The following BCORL1 variants were observed in gnomAD, a reference collection of about 807,000 sequenced individuals.
BCORL1 encodes BCL6 corepressor like 1, also known as BCL-6 corepressor-like protein 1.
Under a neutral mutation model 87.6 loss-of-function variants are expected in BCORL1, and 7 were observed. The observed-to-expected ratio is 0.08, with a 90% CI of 0.05 to 0.15. The LOEUF (loss-of-function observed/expected upper bound fraction) is 0.15, where lower values mean the gene tolerates loss of function less well. Ranked by LOEUF, BCORL1 falls within the 10% of genes least tolerant of loss-of-function variation. BCORL1 has a pLI of 1.00. For missense variants in BCORL1, 1,215 were observed against 1,499.7 expected, an observed-to-expected ratio of 0.81 and a Z score of 3.13; for synonymous variants, 591 against 634.4, an observed-to-expected ratio of 0.93 and a Z score of 1.03.
chrX:130,043,405 C>A (rs1282774554), intron 11 of BCORL1, among the ~76,000 whole-genome samples: 1 of 110,123 alleles, frequency 9.1e-6, no homozygotes, highest in East Asian at 2.9e-4. Context: ...GTTTGGCTCT[C>A]ATTTTTCATG....
At chrX:130,038,574 C>T (rs1359919354) in intron 10 of BCORL1, among the ~76,000 whole-genome samples, 3 of 109,884 alleles carry the variant, frequency 2.7e-5, no homozygotes, top group East Asian at 2.8e-4. Context: ...CTCTGCCTCC[C>T]GGTTTCAAGC....
At position 130,014,301 on chromosome X, in the gene BCORL1, G is replaced by A. The variant is rs1390624514; in HGVS notation, c.1529G>A (p.Arg510Gln). Residue 510 changes from arginine to glutamine, a missense_variant, in exon 4 of 14, where the codon CGG becomes CAG. Coordinates refer to ENST00000540052, the MANE Select transcript of BCORL1 (RefSeq NM_001379451.1). ...RSYPYAFSVARPLTSDSKLVS... is the reference protein window; with the variant it reads ...RSYPYAFSVAQPLTSDSKLVS... The stretch of plus-strand genomic sequence containing the variant: ...TACCCGTATGCATTTTCTGTGGCCC[G>A]GCCTCTGACTTCGGATTCCAAGCTG... 7 of 1,211,353 alleles carry A rather than the reference G, an allele frequency of 5.8e-6. No homozygotes were observed. Among genetic ancestry groups the A allele is most frequent in the African/African-American group, 1.7e-5 (1 of 57,637 alleles).
intron 6 of BCORL1, 56 bp from the exon 7 acceptor site, chrX:130,024,934 C>T (rs1930141658): frequency 1.7e-6 from 2 of 1,174,172 alleles, no homozygotes; most frequent in East Asian, 3.0e-5. Flanking sequence ...CACTTCGACA[C>T]CATGCTTTGT....
intron 1 of BCORL1, among the ~76,000 whole-genome samples, chrX:130,003,783 C>T (rs1569361445): frequency 8.9e-6 from 1 of 111,944 alleles, no homozygotes; most frequent in African/African-American, 3.2e-5. Context: ...AAGCTCCACA[C>T]GGGCAGGCAT....
At chrX:130,020,475 T>G (rs1418925685) in intron 4 of BCORL1, among the ~76,000 whole-genome samples, 1 of 112,166 alleles carries the variant, frequency 8.9e-6, no homozygotes, top group Non-Finnish European at 1.9e-5. Context: ...TCTTCTTGCC[T>G]TAGTTGAATC....
chrX:130,027,899 T>C (rs2124499416), intron 7 of BCORL1, among the ~76,000 whole-genome samples: 1 of 112,119 alleles, frequency 8.9e-6, no homozygotes, highest in South Asian at 3.7e-4. Flanking sequence ...GGACAGACCC[T>C]GTGGGATGAA....
In BCORL1 at chrX:130,015,404, A is replaced by G. The variant is rs139863820; in HGVS notation, c.2632A>G (p.Ser878Gly). Residue 878 changes from serine (S) to glycine (G), a missense_variant, in exon 4 of 14, where the codon AGC (serine) becomes GGC (glycine). Coordinates refer to ENST00000540052, the MANE Select transcript of BCORL1 (RefSeq NM_001379451.1). ...EFSGVPSLSSSEAVHGLPEGQ... is the reference protein window; with the variant it reads ...EFSGVPSLSSGEAVHGLPEGQ... ...TTCTGGTGTGCCATCTCTCAGCTCC[A>G]GCGAAGCCGTGCACGGACTTCCTGA... The G allele has an allele frequency of 1.4e-3, 1,725 of 1,211,002 alleles. 30 individuals are homozygous for G. In the East Asian group the frequency reaches 0.041, roughly 29 times the overall value.
At chrX:130,008,613 G>T (rs1469976797) in intron 2 of BCORL1, among the ~76,000 whole-genome samples, 2 of 111,665 alleles carry the variant, frequency 1.8e-5, no homozygotes, top group African/African-American at 6.5e-5. Flanking sequence ...ACCCTTTATT[G>T]TCACCTTCTT....
chrX:129,996,921 C>T (rs138495526), intron 1 of BCORL1, among the ~76,000 whole-genome samples: 11 of 111,626 alleles, frequency 9.9e-5, no homozygotes, highest in African/African-American at 3.6e-4. Context: ...CTGGCCTGGT[C>T]CTTTTTAAGG....
intron 10 of BCORL1, 42 bp from the exon 11 acceptor site, chrX:130,039,095 C>A (rs368068355): frequency 6.3e-5 from 75 of 1,197,833 alleles, no homozygotes; most frequent in Non-Finnish European, 8.0e-5. Flanking sequence ...ACCCCAGTTC[C>A]CACTTGGGCC....
At chrX:130,045,743 G>A (rs945903884) in intron 11 of BCORL1, among the ~76,000 whole-genome samples, 4 of 110,422 alleles carry the variant, frequency 3.6e-5, no homozygotes, top group South Asian at 7.7e-4. Context: ...TCAGCCTCCC[G>A]AGTAGCTGGG....
chrX:130,028,624 C>T lies in BCORL1; in HGVS notation c.4079-11C>T. 2.5e-6 allele frequency: 3 copies of T among 1,193,203 alleles called. No homozygotes were observed. Among genetic ancestry groups the T allele is most frequent in the Non-Finnish European group, 3.4e-6 (3 of 880,298 alleles). ...TCTGACATCCGTTCTTTTCCTGTTT[C>T]TTGCCTTCAGATTTAAAGGCCCGTA... On this transcript the variant is annotated splice_polypyrimidine_tract_variant and intron_variant, in intron 7 of 13. Transcript: ENST00000540052.
At chrX:129,999,297 CTTTTTTTTTTTTTTT>C (rs1213156086) in intron 1 of BCORL1, among the ~76,000 whole-genome samples, 1 of 39,091 alleles carries the variant, frequency 2.6e-5, no homozygotes, top group East Asian at 7.1e-4. Flanking sequence ...TGAAACACAT[CTTTTTTTTTTTTTTT>C]TTTTTTTTTT....
Position 130,028,643 on chromosome X carries a change from G to A in BCORL1, c.4087G>A (p.Ala1363Thr). The change falls in exon 8 of 14, where the codon GCC (alanine) becomes ACC (threonine). Residue 1363 changes from alanine to threonine, a missense_variant. Coordinates refer to ENST00000540052, the MANE Select transcript of BCORL1 (RefSeq NM_001379451.1). ...CTGTTTCTTGCCTTCAGATTTAAAG[G>A]CCCGTAAGCAGAAGACTTCCTCCTC... ...QRRKGRADLK[A>T]RKQKTSSSQS... 6.6e-6 allele frequency: 8 copies of A among 1,207,208 alleles called. No individual in the cohort carries two copies. Among genetic ancestry groups the A allele is most frequent in the Non-Finnish European group, 9.0e-6 (8 of 892,548 alleles).
In BCORL1 at chrX:130,016,195, G is replaced by A; in HGVS notation, c.3423G>A (p.Arg1141=). Reference sequence around the variant, plus strand: ...AGCCACAAGCCAAGGCCGTGGTCCGGAGTTCCCACAGACCCAAGGTGAGTG... The same window carrying A: ...AGCCACAAGCCAAGGCCGTGGTCCGAAGTTCCCACAGACCCAAGGTGAGTG... ...QLQPQAKAVV[R]SSHRPKCRKL... is the part of the protein sequence containing the mutation. The change falls in exon 4 of 14, where the codon CGG becomes CGA. Residue 1141 remains arginine, a synonymous_variant. Coordinates refer to ENST00000540052, the MANE Select transcript of BCORL1 (RefSeq NM_001379451.1). 8.3e-7 allele frequency: 1 copy of A among 1,203,556 alleles called. No individual in the cohort carries two copies. Among genetic ancestry groups the A allele is most frequent in the Non-Finnish European group, 1.1e-6 (1 of 891,200 alleles).
At position 130,015,702 on chromosome X, in the gene BCORL1, C is replaced by T. The variant is rs750408222; in HGVS notation, c.2930C>T (p.Ala977Val). ...CAGGGGGCTTGTGGCCTGAAGCTGG[C>T]AGGAGACACGAAGCCTAAGAACCAA... ...GPQGACGLKLAGDTKPKNQVL... is the reference protein window; with the variant it reads ...GPQGACGLKLVGDTKPKNQVL... The change falls in exon 4 of 14, where the codon GCA becomes GTA. Residue 977 changes from alanine (A) to valine (V), a missense_variant. Physicochemically the swap from Ala to Val is moderately conservative, Grantham distance 64 (BLOSUM62 0). Around this residue, in one of 5 missense-constraint regions of BCORL1, gnomAD observed 861 missense variants for 1,010.0 expected, o/e 0.85. Transcript: ENST00000540052. 8.3e-7 allele frequency: 1 copy of T among 1,212,005 alleles called. No individual in the cohort carries two copies. The highest frequency in any genetic ancestry group is 3.0e-5 in the East Asian group (1 of 33,847).
At chrX:129,980,420 G>T (rs960012524), upstream of BCORL1, among the ~76,000 whole-genome samples, 5 of 112,861 alleles carry the variant, frequency 4.4e-5, no homozygotes, top group East Asian at 1.4e-3. Flanking sequence ...GGGGGTGGTG[G>T]GGGAACGGTG....
chrX:130,010,480 T>TA (rs1022450095), intron 2 of BCORL1: 2 of 108,969 alleles, frequency 1.8e-5, no homozygotes, highest in African/African-American at 6.7e-5. Context: ...TGCCTCTCCT[T>TA]ACAGTCATTT....
intron 11 of BCORL1, among the ~76,000 whole-genome samples, chrX:130,045,514 C>A (rs952263408): frequency 9.0e-6 from 1 of 111,227 alleles, no homozygotes; most frequent in Non-Finnish European, 1.9e-5. Flanking sequence ...GGGGTATGAT[C>A]GGACCCTGAG....
Sources: allele counts gnomAD v4.1 joint callset (sites outside exome capture counted in the v4.1 genomes callset), GRCh38; gene constraint gnomAD v4.1.1; regional missense constraint gnomAD v4.1.1; transcripts MANE v1.5; gene names NCBI Gene and HGNC (gene_info 2026-07-23, HGNC 2026-07-21).